The following LAMA5 variants were observed in gnomAD, a reference collection of about 807,000 sequenced individuals.
The protein encoded by LAMA5 is laminin subunit alpha-5.
In LAMA5, 260 loss-of-function variants were observed where a neutral mutation model predicts 433.4. The ratio of observed to expected loss-of-function variants is 0.60; its 90% confidence interval spans 0.54 to 0.66. The LOEUF (loss-of-function observed/expected upper bound fraction) is 0.66, where lower values mean the gene tolerates loss of function less well. Ranked by LOEUF, LAMA5 falls within the 30% of genes least tolerant of loss-of-function variation. The pLI is 0.00. For synonymous variants in LAMA5, 2,620 were observed against 2,226.6 expected (o/e 1.18, Z -4.97); for missense variants, 5,378 against 5,258.5 (o/e 1.02, Z -0.70).
chr20:62,353,041 G>A (rs1984601547), intron 3 of LAMA5, 93 bp downstream of exon 3: 4 of 875,526 alleles, frequency 4.6e-6, no homozygotes, highest in Non-Finnish European at 7.1e-6. Flanking sequence ...GGCAGGGCTG[G>A]GTATTCGGAG....
chr20:62,346,035 C>A, intron 10 of LAMA5, 46 bp downstream of exon 10: 1 of 1,608,588 alleles, frequency 6.2e-7, no homozygotes, highest in Non-Finnish European at 8.5e-7. Flanking sequence ...CTCCCGGAGT[C>A]CAGCAGGCAG....
intron 5 of LAMA5, 31 bp from the exon 6 acceptor site, chr20:62,351,832 G>A (rs772369714): frequency 4.3e-5 from 68 of 1,586,214 alleles, no homozygotes; most frequent in Middle Eastern, 1.7e-4. Flanking sequence ...AGCACCAGGC[G>A]GCCAGGCCTC....
Position 62,336,250 on chromosome 20 carries a change from A to G in LAMA5, c.2323+90T>C, listed in dbSNP as rs1981606681. On this transcript the variant is annotated intron_variant, in intron 18 of 79. Transcript: ENST00000252999. ...CTCACTGGCTCCAGCCCCTCCAGGAACCCTGCACCCCAACACTCCCTCCAG... is the reference window on the plus strand; with the variant it reads ...CTCACTGGCTCCAGCCCCTCCAGGAGCCCTGCACCCCAACACTCCCTCCAG... 1.7e-5 allele frequency: 16 copies of G among 933,958 alleles called. No individual in the cohort carries two copies. The South Asian group carries it at 2.6e-4, about 15-fold the overall frequency. 57.9% of individuals were successfully genotyped at this position (933,958 alleles called of 1,614,324 possible).
Position 62,309,247 on chromosome 20 carries a change from A to G in LAMA5, c.*89T>C, listed in dbSNP as rs1985794942. 6.9e-6 allele frequency: 9 copies of G among 1,295,714 alleles called. 1 individual carries two copies. The highest frequency in any genetic ancestry group is 6.8e-5 in the South Asian group (5 of 73,278). The allele number at this position is 1,295,714 out of a possible 1,614,324, so 80.3% of individuals were successfully genotyped here. On this transcript the variant is annotated 3_prime_UTR_variant, in exon 80 of 80. Coordinates refer to ENST00000252999, the MANE Select transcript of LAMA5 (RefSeq NM_005560.6). ...ACAAGATCTGTCACCCGTAGAGCTT[A>G]GAGTCCAAATAGACACCTATGAGGC...
chr20:62,331,555 C>T (rs894025461), intron 28 of LAMA5, among the ~76,000 whole-genome samples: 1 of 152,102 alleles, frequency 6.6e-6, no homozygotes, highest in Non-Finnish European at 1.5e-5. Context: ...ACTCTTATCT[C>T]GAGTGCTGCT....
chr20:62,316,102 G>A (rs1026790192), intron 57 of LAMA5, 44 bp from the exon 58 acceptor site: 6 of 1,374,396 alleles, frequency 4.4e-6, no homozygotes, highest in Non-Finnish European at 6.1e-6. Flanking sequence ...TTCACCCCCA[G>A]TATACAATTG....
At chr20:62,351,636 T>G (rs1601407195) in intron 6 of LAMA5, 68 bp downstream of exon 6, 1 of 1,490,218 alleles carries the variant, frequency 6.7e-7, no homozygotes. Flanking sequence ...TAGGCAGGGG[T>G]GACAAGGACA....
In LAMA5 at chr20:62,317,360, G is replaced by A. The variant is rs751846269; in HGVS notation, c.7496C>T (p.Ala2499Val). The A allele has an allele frequency of 1.2e-6, 2 of 1,608,130 alleles. No homozygotes were observed. Among genetic ancestry groups the A allele is most frequent in the East Asian group, 2.2e-5 (1 of 44,804 alleles). The change falls in exon 55 of 80, where the codon GCA becomes GTA. Residue 2499 changes from alanine to valine, a missense_variant. Ala to Val is a moderately conservative substitution (Grantham distance 64, BLOSUM62 0). Coordinates refer to ENST00000252999, the MANE Select transcript of LAMA5 (RefSeq NM_005560.6). ...EAHAQQLGQLALNLSSIILDV... is the reference protein window; with the variant it reads ...EAHAQQLGQLVLNLSSIILDV... ...GGCCACCCACCTGGACAGATTGAGT[G>A]CCAGCTGGCCCAGCTGCTGTGCGTG... is the stretch of plus-strand genomic sequence containing the variant.
At position 62,310,919 on chromosome 20, in the gene LAMA5, G is replaced by A. The variant is rs1263129649; in HGVS notation, c.10264C>T (p.Pro3422Ser). 6.2e-7 allele frequency: 1 copy of A among 1,610,710 alleles called. No homozygotes were observed. The highest frequency in any genetic ancestry group is 2.2e-5 in the East Asian group (1 of 44,874). ...GCCCTCACCTTGTGCCAGCGGCCAGGCCGGGAGCGCTGGCGGCTCTGGGCG... is the reference window on the plus strand; with the variant it reads ...GCCCTCACCTTGTGCCAGCGGCCAGACCGGGAGCGCTGGCGGCTCTGGGCG... ...LRAQSRQRSR[P>S]GRWHKVSVRW... is the part of the protein sequence containing the mutation. The change falls in exon 74 of 80, where the codon CCT becomes TCT. Residue 3422 changes from proline to serine, a missense_variant. Coordinates refer to ENST00000252999, the MANE Select transcript of LAMA5 (RefSeq NM_005560.6).
At position 62,314,365 on chromosome 20, in the gene LAMA5, G is replaced by A. The variant is rs1427630654; in HGVS notation, c.8443C>T (p.Pro2815Ser). Reference sequence around the variant, plus strand: ...TCCTCATCGATGCTTAGGACTGCAGGGCCCGCCTCACCCAGCTGATACACC... The same window carrying A: ...TCCTCATCGATGCTTAGGACTGCAGAGCCCGCCTCACCCAGCTGATACACC... ...HWVYQLGEAGPAVLSIDEDIG... is the reference protein window; with the variant it reads ...HWVYQLGEAGSAVLSIDEDIG... Residue 2815 changes from proline (P) to serine (S), a missense_variant, in exon 62 of 80, where the codon CCT becomes TCT. Pro to Ser is a moderately conservative substitution (Grantham distance 74, BLOSUM62 -1). Coordinates refer to ENST00000252999, the MANE Select transcript of LAMA5 (RefSeq NM_005560.6). 1.9e-6 allele frequency: 3 copies of A among 1,613,388 alleles called. No individual in the cohort carries two copies. Among genetic ancestry groups the A allele is most frequent in the Non-Finnish European group, 2.5e-6 (3 of 1,179,940 alleles).
In LAMA5 at chr20:62,346,029, C is replaced by T. The variant is rs187835474; in HGVS notation, c.1417+52G>A. The T allele has an allele frequency of 3.8e-3, 6,032 of 1,605,692 alleles. 23 individuals carry two copies. The highest frequency in any genetic ancestry group is 4.3e-3 in the Non-Finnish European group (5,056 of 1,174,226). On this transcript the variant is annotated intron_variant, in intron 10 of 79. Transcript: ENST00000252999. ...ACCCCTCCACCCCCTGCAGGGCTCC[C>T]GGAGTCCAGCAGGCAGTGGTGTCTG...
chr20:62,335,327 C>A, intron 18 of LAMA5, 58 bp from the exon 19 acceptor site: 2 of 1,580,692 alleles, frequency 1.3e-6, no homozygotes, highest in Non-Finnish European at 8.6e-7. Flanking sequence ...CTGGCTCCAG[C>A]CCCCCGAGGA....
At position 62,324,682 on chromosome 20, in the gene LAMA5, A is replaced by T; in HGVS notation, c.5530-128T>A. ...CACTGGGAACCCGTGGAGCATGGTCACCGCTGGGTCAGAGGCTGGTCAGGA... is the reference window on the plus strand; with the variant it reads ...CACTGGGAACCCGTGGAGCATGGTCTCCGCTGGGTCAGAGGCTGGTCAGGA... On this transcript the variant is annotated intron_variant, in intron 41 of 79. Transcript: ENST00000252999. The surrounding 1 kb of genome is among the most constrained non-coding windows in gnomAD (Gnocchi z 4.4). 1 of 668,818 alleles carries T rather than the reference A, an allele frequency of 1.5e-6. No homozygotes were observed. The highest frequency in any genetic ancestry group is 2.7e-6 in the Non-Finnish European group (1 of 368,102). 41.4% of individuals were successfully genotyped at this position (668,818 alleles called of 1,614,324 possible).
chr20:62,329,926 G>T lies in LAMA5; in HGVS notation c.3980-10C>A. The stretch of plus-strand genomic sequence containing the variant: ...CTGGCGTTGGCGTGGCCTGGGCGGG[G>T]GAGAAAGGCAGGGTCAGGCCCCCAT... On this transcript the variant is annotated splice_polypyrimidine_tract_variant and intron_variant, in intron 31 of 79. Transcript: ENST00000252999. 1 of 1,609,974 alleles carries T rather than the reference G, an allele frequency of 6.2e-7. No homozygotes were observed.
rs114216404 is a variant in LAMA5 at position 62,323,429 on chromosome 20, G to A, written c.6064+27C>T. The A allele has an allele frequency of 1.0e-3, 1,561 of 1,507,158 alleles. 17 individuals are homozygous for A. The African/African-American group carries it at 0.02, about 19-fold the overall frequency. The allele number at this position is 1,507,158 out of a possible 1,614,324, so 93.4% of individuals were successfully genotyped here. ...TCCTCCCCGCGCAACCCTCCCCAGG[G>A]TGCATCCCTCCCAGCCCGACGCCTA... is the stretch of plus-strand genomic sequence containing the variant. On this transcript the variant is annotated intron_variant, in intron 45 of 79. Coordinates refer to ENST00000252999, the MANE Select transcript of LAMA5 (RefSeq NM_005560.6).
chr20:62,324,051 G>T lies in LAMA5; in HGVS notation c.5768+29C>A. On this transcript the variant is annotated intron_variant, in intron 43 of 79. Transcript: ENST00000252999. The surrounding 1 kb of genome is among the most constrained non-coding windows in gnomAD (Gnocchi z 4.4). ...GGTGAAGGGAGCCTGGCACCATCAG[G>T]GCCTCGTCCCGGGAGGAGGCTGGCT... 6.7e-7 allele frequency: 1 copy of T among 1,487,376 alleles called. No individual in the cohort carries two copies. Among genetic ancestry groups the T allele is most frequent in the East Asian group, 2.4e-5 (1 of 42,010 alleles). The allele number at this position is 1,487,376 out of a possible 1,614,324, so 92.1% of individuals were successfully genotyped here.
At position 62,313,330 on chromosome 20, in the gene LAMA5, GCACAAGGCCTGTC is replaced by G; in HGVS notation, c.8776_8788del (p.Asp2926ProfsTer53). 3 of 1,556,562 alleles carry G rather than the reference GCACAAGGCCTGTC, an allele frequency of 1.9e-6. No homozygotes were observed. Among genetic ancestry groups the G allele is most frequent in the Non-Finnish European group, 2.6e-6 (3 of 1,150,724 alleles). ...GGGGAGGGCAGGCCACACGCACCGG[GCACAAGGCCTGTC>G]CACAGCCGTGTCCAGCTGGAAGGTC... is the stretch of plus-strand genomic sequence containing the variant. On this transcript the variant is annotated frameshift_variant, in exon 64 of 80. Coordinates refer to ENST00000252999, the MANE Select transcript of LAMA5 (RefSeq NM_005560.6). LOFTEE classifies it high-confidence loss of function.
At chr20:62,318,717 C>G in intron 52 of LAMA5, 67 bp from the exon 53 acceptor site, 2 of 1,579,084 alleles carry the variant, frequency 1.3e-6, no homozygotes, top group Non-Finnish European at 1.7e-6. Flanking sequence ...CTGGTCTCCA[C>G]TTGGTGCCCG....
At chr20:62,363,372 TG>T (rs1986371195) in intron 1 of LAMA5, among the ~76,000 whole-genome samples, 2 of 152,140 alleles carry the variant, frequency 1.3e-5, no homozygotes, top group South Asian at 4.1e-4. Context: ...TGCACCTGCC[TG>T]GGGCCACCGT....
Sources: gnomAD v4.1 joint callset for allele counts (sites outside exome capture counted in the v4.1 genomes callset) on GRCh38, gnomAD v4.1.1 for gene constraint, Gnocchi (gnomAD v3.1) non-coding constraint, MANE v1.5 for transcripts, NCBI Gene and HGNC (gene_info 2026-07-23, HGNC 2026-07-21) for gene names.